Variants in BAIAP2 observed in about 807,000 individuals in gnomAD.
BAIAP2 encodes the protein BAR/IMD domain containing adaptor protein 2, also known as BAR/IMD domain-containing adapter protein 2.
A neutral mutation model predicts 63.0 loss-of-function variants in BAIAP2; 18 were observed. That is an observed-to-expected ratio of 0.29 (90% CI 0.20 to 0.42). BAIAP2 has a LOEUF of 0.42. BAIAP2 is among the 10% of genes least tolerant of loss of function. BAIAP2 has a pLI of 1.00. For synonymous variants in BAIAP2, 386 were observed against 307.6 expected (o/e 1.25, Z -2.67); for missense variants, 610 against 734.3 (o/e 0.83, Z 1.96).
chr17:81,039,873 C>T (rs114240183), intron 1 of BAIAP2, among the ~76,000 whole-genome samples: 8 of 152,282 alleles, frequency 5.3e-5, no homozygotes, highest in African/African-American at 7.2e-5. Flanking sequence ...GTCCTCCTTC[C>T]GAGCTCCAGG....
At chr17:81,093,334 A>AG (rs2057113738) in intron 6 of BAIAP2, among the ~76,000 whole-genome samples, 1 of 152,160 alleles carries the variant, frequency 6.6e-6, no homozygotes, top group Non-Finnish European at 1.5e-5. Flanking sequence ...CCTGCTGCAG[A>AG]GGAGGGTAGC....
intron 1 of BAIAP2, among the ~76,000 whole-genome samples, chr17:81,041,149 T>A (rs981132438): frequency 1.3e-5 from 2 of 152,228 alleles, no homozygotes; most frequent in Non-Finnish European, 2.9e-5. Flanking sequence ...CCCTGAGCTT[T>A]GGAAAATGCT....
chr17:81,075,614 C>G (rs2053531365), intron 3 of BAIAP2, among the ~76,000 whole-genome samples: 1 of 152,178 alleles, frequency 6.6e-6, no homozygotes, highest in African/African-American at 2.4e-5. Flanking sequence ...TTGAGAGCGT[C>G]CTGAGTGACC....
At chr17:81,105,246 A>G (rs2059034745) in intron 10 of BAIAP2, 1 of 164,118 alleles carries the variant, frequency 6.1e-6, no homozygotes, top group African/African-American at 2.4e-5. Context: ...GTCTTTCACC[A>G]CAGAGTCTAG....
At position 81,085,654 on chromosome 17, in the gene BAIAP2, C is replaced by G; in HGVS notation, c.280C>G (p.Leu94Val). The change falls in exon 5 of 14, where the codon CTG becomes GTG. Residue 94 changes from leucine to valine, a missense_variant and splice_region_variant. By Grantham distance (32) the Leu-to-Val change is conservative. This residue lies in a region of BAIAP2 where 389 missense variants were observed against 455.6 expected (regional missense o/e 0.85). Transcript: ENST00000428708. ...RQIQNQLEEM[L>V]KSFHNELLTQ... is the part of the protein sequence containing the mutation. Reference sequence around the variant, plus strand: ...TGATGTGTTTTCTCTCCATGTCCAGCTGAAGTCTTTTCACAACGAGCTGCT... The same window carrying G: ...TGATGTGTTTTCTCTCCATGTCCAGGTGAAGTCTTTTCACAACGAGCTGCT... 6.2e-7 allele frequency: 1 copy of G among 1,613,428 alleles called. No individual in the cohort carries two copies. The highest frequency in any genetic ancestry group is 8.5e-7 in the Non-Finnish European group (1 of 1,179,610).
intron 2 of BAIAP2, among the ~76,000 whole-genome samples, chr17:81,055,208 C>A (rs1255473525): frequency 2.6e-5 from 4 of 152,192 alleles, no homozygotes; most frequent in Admixed American, 6.5e-5. Flanking sequence ...TTTTTACCAC[C>A]TTTACTCCGT....
chr17:81,096,960 GAGA>G lies in BAIAP2; in HGVS notation c.490-2962_490-2960del, dbSNP rs554333522. Among the ~76,000 whole-genome samples, 776 of 152,290 alleles carry G rather than the reference GAGA, an allele frequency of 5.1e-3. 1 individual carries two copies. Among genetic ancestry groups the G allele is most frequent in the Middle Eastern group, 0.02 (6 of 294 alleles). ...GGAGGTGGAGGAGAAAGTAGAGGAGGAGAAGAAGGAGAAAGGAGAGGAGGAGGA... is the reference window on the plus strand; with the variant it reads ...GGAGGTGGAGGAGAAAGTAGAGGAGGAGAAGGAGAAAGGAGAGGAGGAGGA... On this transcript the variant is annotated intron_variant, in intron 6 of 13. Coordinates refer to ENST00000428708, the MANE Select transcript of BAIAP2 (RefSeq NM_001144888.2).
intron 6 of BAIAP2, among the ~76,000 whole-genome samples, chr17:81,095,243 G>A (rs994101576): frequency 3.3e-5 from 5 of 152,180 alleles, no homozygotes; most frequent in African/African-American, 4.8e-5. Context: ...GCTCAGGGCC[G>A]TTGTAAATGG....
chr17:81,069,213 A>C (rs1024585223), intron 3 of BAIAP2, among the ~76,000 whole-genome samples: 2 of 152,140 alleles, frequency 1.3e-5, no homozygotes, highest in African/African-American at 4.8e-5. Context: ...CATTGGAAGC[A>C]TTTTTGTAAT....
intron 6 of BAIAP2, among the ~76,000 whole-genome samples, chr17:81,087,228 C>T (rs2055827612): frequency 6.6e-6 from 1 of 152,248 alleles, no homozygotes; most frequent in African/African-American, 2.4e-5. Flanking sequence ...ATCAGGAAAA[C>T]CCCTGGCCAG....
chr17:81,104,304 C>A (rs1016258743), intron 9 of BAIAP2, among the ~76,000 whole-genome samples, 196 bp downstream of exon 9: 2 of 152,250 alleles, frequency 1.3e-5, no homozygotes, highest in African/African-American at 4.8e-5. Flanking sequence ...GCCTCTGGTG[C>A]TCAGTGGGGG....
intron 3 of BAIAP2, among the ~76,000 whole-genome samples, chr17:81,081,237 G>A (rs1451271677): frequency 6.6e-6 from 1 of 152,168 alleles, no homozygotes; most frequent in Non-Finnish European, 1.5e-5. Context: ...GTCCATCCTG[G>A]GAATTTATAG....
chr17:81,048,382 A>C (rs2064314658), intron 1 of BAIAP2, among the ~76,000 whole-genome samples: 1 of 130,792 alleles, frequency 7.6e-6, no homozygotes, highest in Non-Finnish European at 1.7e-5. Context: ...AAAAAAAAAG[A>C]ATTCCTGAGC....
In BAIAP2 at chr17:81,107,304, C is replaced by G. The variant is rs192811795; in HGVS notation, c.1500+397C>G. 3.7e-3 allele frequency: 707 copies of G among 190,606 alleles called. 11 individuals carry two copies. The highest frequency in any genetic ancestry group is 4.0e-3 in the Non-Finnish European group (366 of 92,646). 11.8% of individuals were successfully genotyped at this position (190,606 alleles called of 1,614,324 possible). On this transcript the variant is annotated intron_variant, in intron 12 of 13. Coordinates refer to ENST00000428708, the MANE Select transcript of BAIAP2 (RefSeq NM_001144888.2). ...GATCTCTTCCGTGAGAACCACGGGG[C>G]TCCCTCAGTCACATCCATGAGATGG... is the stretch of plus-strand genomic sequence containing the variant.
At chr17:81,111,941 C>T (rs2059974410) in intron 13 of BAIAP2, among the ~76,000 whole-genome samples, 1 of 152,252 alleles carries the variant, frequency 6.6e-6, no homozygotes, top group Admixed American at 6.5e-5. Context: ...CATCCTGGCC[C>T]ACGGGCAGCC....
At chr17:81,070,463 A>AC (rs1309696514) in intron 3 of BAIAP2, among the ~76,000 whole-genome samples, 2 of 152,186 alleles carry the variant, frequency 1.3e-5, no homozygotes. Context: ...GCCCCGTCAG[A>AC]CCTTAAACCT....
intron 3 of BAIAP2, among the ~76,000 whole-genome samples, chr17:81,080,693 C>T (rs2054465425): frequency 6.6e-6 from 1 of 152,142 alleles, no homozygotes; most frequent in Non-Finnish European, 1.5e-5. Flanking sequence ...GTTATCTGGT[C>T]TTGACATTCA....
chr17:81,057,654 T>C, intron 2 of BAIAP2: 1 of 1,325,804 alleles, frequency 7.5e-7, no homozygotes, highest in East Asian at 3.1e-5. Context: ...AACTGGTACG[T>C]TGTGTTCTTA....
chr17:81,097,858 C>T lies in BAIAP2; in HGVS notation c.490-2070C>T, dbSNP rs2145732583. ...AGGGTCTGTGCCTCGGGTGCTCCTC[C>T]CTTGCCCTCACCAGCCACCCACAGC... On this transcript the variant is annotated intron_variant, in intron 6 of 13. Coordinates refer to ENST00000428708, the MANE Select transcript of BAIAP2 (RefSeq NM_001144888.2). Among the ~76,000 whole-genome samples the T allele has an allele frequency of 2.0e-5, 3 of 152,314 alleles. 1 individual carries two copies. Among genetic ancestry groups the T allele is most frequent in the Middle Eastern group, 6.8e-3 (2 of 294 alleles).
Sources: gnomAD v4.1 joint callset for allele counts (sites outside exome capture counted in the v4.1 genomes callset) on GRCh38, gnomAD v4.1.1 for gene constraint, gnomAD v4.1.1 regional missense constraint, MANE v1.5 for transcripts, NCBI Gene and HGNC (gene_info 2026-07-23, HGNC 2026-07-21) for gene names.